Variants in SCAP observed in about 807,000 individuals in gnomAD.
SCAP encodes sterol regulatory element-binding protein cleavage-activating protein.
SCAP carries 65 observed loss-of-function variants against 123.6 expected under a neutral mutation model. The ratio of observed to expected loss-of-function variants is 0.53; its 90% CI spans 0.43 to 0.65. The LOEUF (loss-of-function observed/expected upper bound fraction) is 0.65. SCAP is among the 30% of genes least tolerant of loss of function. SCAP has a pLI of 0.00. For synonymous variants in SCAP, 740 were observed against 726.3 expected (o/e 1.02, Z -0.30); for missense variants, 1,398 against 1,712.5 (o/e 0.82, Z 3.24).
At position 47,449,582 on chromosome 3, in the gene SCAP, C is replaced by T. The variant is rs1272103421; in HGVS notation, c.-98-6491G>A. Among the ~76,000 whole-genome samples the T allele has an allele frequency of 3.2e-5, 4 of 124,278 alleles. 1 individual carries two copies. The highest frequency in any genetic ancestry group is 2.9e-4 in the East Asian group (1 of 3,434). The allele number at this position is 124,278 out of a possible 152,430, so 81.5% of individuals were successfully genotyped here. A position where few individuals can be genotyped will look rare whatever the true frequency, so the allele number is the denominator to read the frequency against. On this transcript the variant is annotated intron_variant, in intron 1 of 22. Coordinates refer to ENST00000265565, the MANE Select transcript of SCAP (RefSeq NM_012235.4). ...GAGAAAAGACAAAGCAAACAACACACGAGATTTCTTCCTCCATCCCCATTC... is the reference window on the plus strand; with the variant it reads ...GAGAAAAGACAAAGCAAACAACACATGAGATTTCTTCCTCCATCCCCATTC...
At chr3:47,424,777 G>A (rs927024434) in intron 8 of SCAP, among the ~76,000 whole-genome samples, 12 of 152,100 alleles carry the variant, frequency 7.9e-5, no homozygotes, top group Non-Finnish European at 1.3e-4. Flanking sequence ...AAAATACGAC[G>A]TCGCTTTTCA....
At chr3:47,470,783 C>T (rs1388327853) in intron 1 of SCAP, among the ~76,000 whole-genome samples, 1 of 152,070 alleles carries the variant, frequency 6.6e-6, no homozygotes, top group Non-Finnish European at 1.5e-5. Flanking sequence ...GTCGCTTGAA[C>T]CCAGGGGGGC....
intron 1 of SCAP, among the ~76,000 whole-genome samples, chr3:47,459,725 G>A (rs1053677842): frequency 1.3e-5 from 2 of 152,158 alleles, no homozygotes; most frequent in Non-Finnish European, 2.9e-5. Context: ...GGCAAATTCA[G>A]AACTACTGAT....
At chr3:47,470,159 C>G (rs2108028744) in intron 1 of SCAP, among the ~76,000 whole-genome samples, 1 of 152,262 alleles carries the variant, frequency 6.6e-6, no homozygotes, top group Non-Finnish European at 1.5e-5. Context: ...AACAGGGGAT[C>G]AAGAGCTAGC....
intron 3 of SCAP, 59 bp downstream of exon 3, chr3:47,434,949 C>T (rs1559552301): frequency 1.9e-6 from 3 of 1,609,368 alleles, no homozygotes; most frequent in Non-Finnish European, 2.6e-6. Context: ...CAGACCCCTG[C>T]CTCAGCCAGT....
chr3:47,462,252 T>C (rs1230156738), intron 1 of SCAP, among the ~76,000 whole-genome samples: 1 of 152,208 alleles, frequency 6.6e-6, no homozygotes, highest in African/African-American at 2.4e-5. Flanking sequence ...TTGTCTTAGC[T>C]AGGAGATCAA....
At position 47,423,927 on chromosome 3, in the gene SCAP, C is replaced by T. The variant is rs201879911; in HGVS notation, c.1150+6G>A. On this transcript the variant is annotated splice_donor_region_variant and intron_variant, in intron 9 of 22. Coordinates refer to ENST00000265565, the MANE Select transcript of SCAP (RefSeq NM_012235.4). ...AGCCCTCTGCCCAACTCTCCCACTG[C>T]GTTACCTTGGGCGATCCGCAGCTTC... 1.6e-4 allele frequency: 259 copies of T among 1,607,386 alleles called. 1 individual carries two copies. Among genetic ancestry groups the T allele is most frequent in the Middle Eastern group, 3.3e-4 (2 of 6,026 alleles).
chr3:47,463,704 T>TA (rs895532343), intron 1 of SCAP, among the ~76,000 whole-genome samples: 83 of 147,016 alleles, frequency 5.6e-4, no homozygotes, highest in East Asian at 5.9e-4. Context: ...AGACTGTCCC[T>TA]AAAAAAAAAA....
intron 1 of SCAP, chr3:47,470,022 T>C (rs913280757): frequency 3.0e-6 from 1 of 329,340 alleles, no homozygotes; most frequent in Non-Finnish European, 6.1e-6. Flanking sequence ...TCGTTTGGCA[T>C]TCTTAGGTAA....
rs200972311 is a variant in SCAP, at chr3:47,420,603, C to T, written c.1514G>A (p.Arg505His). 2.3e-4 allele frequency: 374 copies of T among 1,611,630 alleles called. No individual in the cohort carries two copies. The highest frequency in any genetic ancestry group is 4.2e-5 in the Non-Finnish European group (50 of 1,179,696). ...FRNLRLPKRL[R>H]VVYFLARTRL... ...GGTGCGGGCCAGGAAGTAGACAACA[C>T]GCAGCCTCTTGGGGAGCCGCAGGTT... The change falls in exon 12 of 23, where the codon CGT (arginine) becomes CAT (histidine). Residue 505 changes from arginine (R) to histidine (H), a missense_variant. By Grantham distance (29) the Arg-to-His change is conservative (BLOSUM62 0). This residue lies in a region of SCAP where 828 missense variants were observed against 882.5 expected (regional missense o/e 0.94). Transcript: ENST00000265565. This position sits in a 1 kb window ranked among gnomAD's most constrained non-coding sequence, Gnocchi z 5.0.
chr3:47,463,566 G>A (rs934073635), intron 1 of SCAP, among the ~76,000 whole-genome samples: 1 of 151,974 alleles, frequency 6.6e-6, no homozygotes, highest in African/African-American at 2.4e-5. Flanking sequence ...GCTGGGTGTG[G>A]TAGTGCCTGT....
chr3:47,442,953 G>A lies in SCAP; in HGVS notation c.41C>T (p.Ala14Val). Residue 14 changes from alanine to valine, a missense_variant, in exon 2 of 23, where the codon GCC becomes GTC. Coordinates refer to ENST00000265565, the MANE Select transcript of SCAP (RefSeq NM_012235.4). The part of the protein sequence containing the change: ...TERLREKISR[A>V]FYNHGLLCAS... ...ACAGAGGAGCCCATGGTTGTAGAAG[G>A]CCCGAGATATCTTCTCACGCAGCCT... 6.2e-7 allele frequency: 1 copy of A among 1,614,106 alleles called. No homozygotes were observed.
Position 47,447,869 on chromosome 3 carries a change from G to A in SCAP, c.-98-4778C>T, listed in dbSNP as rs1232305655. Among the ~76,000 whole-genome samples, 3 of 151,872 alleles carry A rather than the reference G, an allele frequency of 2.0e-5. No individual in the cohort carries two copies. In the East Asian group the frequency reaches 5.8e-4, roughly 29 times the overall value. Reference sequence around the variant, plus strand: ...GAAAAATACAAAATAGCCGGGCATGGTGGCGTGTGCCTGTAATCCCAGCTA... The same window carrying A: ...GAAAAATACAAAATAGCCGGGCATGATGGCGTGTGCCTGTAATCCCAGCTA... On this transcript the variant is annotated intron_variant, in intron 1 of 22. Transcript: ENST00000265565.
chr3:47,423,657 G>A (rs932319612), intron 9 of SCAP, among the ~76,000 whole-genome samples: 5 of 152,236 alleles, frequency 3.3e-5, no homozygotes, highest in African/African-American at 1.2e-4. Context: ...GCCTCCCAAA[G>A]TGCTGGGATT....
chr3:47,427,709 C>A (rs746273150), intron 4 of SCAP, 42 bp from the exon 5 acceptor site: 1 of 1,534,102 alleles, frequency 6.5e-7, no homozygotes, highest in Admixed American at 1.8e-5. Context: ...TGTCTGCCAC[C>A]ACAGGGCAGA....
chr3:47,440,779 G>C (rs995957082), intron 2 of SCAP, among the ~76,000 whole-genome samples: 1 of 152,146 alleles, frequency 6.6e-6, no homozygotes, highest in Non-Finnish European at 1.5e-5. Context: ...AGAATCACTT[G>C]AGCCCATGAA....
intron 1 of SCAP, among the ~76,000 whole-genome samples, chr3:47,467,679 A>C (rs1273666242): frequency 6.6e-6 from 1 of 152,152 alleles, no homozygotes; most frequent in Non-Finnish European, 1.5e-5. Context: ...ACATATGAAA[A>C]ATTGCTCAAC....
Position 47,439,817 on chromosome 3 carries a change from A to G in SCAP, c.122+3055T>C, listed in dbSNP as rs1264802071. Among the ~76,000 whole-genome samples the G allele has an allele frequency of 4.6e-5, 7 of 152,252 alleles. No individual in the cohort carries two copies. The highest frequency in any genetic ancestry group is 4.6e-4 in the Admixed American group (7 of 15,282). On this transcript the variant is annotated intron_variant, in intron 2 of 22. Coordinates refer to ENST00000265565, the MANE Select transcript of SCAP (RefSeq NM_012235.4). This position sits in a 1 kb window ranked among gnomAD's most constrained non-coding sequence, Gnocchi z 4.0. ...TAACTCTAGCTCACCTGCAAGGCTC[A>G]GCACTGGGTTCATTTGAAGTAGTGT...
At chr3:47,418,110 G>A in intron 16 of SCAP, 24 bp downstream of exon 16, 1 of 1,533,656 alleles carries the variant, frequency 6.5e-7, no homozygotes, top group Non-Finnish European at 8.8e-7. Context: ...GGGGCACAAA[G>A]GAGGAAAGGG....
Sources: gnomAD v4.1 joint callset for allele counts (sites outside exome capture counted in the v4.1 genomes callset) on GRCh38, gnomAD v4.1.1 for gene constraint, gnomAD v4.1.1 regional missense constraint, Gnocchi (gnomAD v3.1) non-coding constraint, MANE v1.5 for transcripts, NCBI Gene and HGNC (gene_info 2026-07-23, HGNC 2026-07-21) for gene names.